Variants in ALK observed in about 807,000 individuals in gnomAD.
ALK encodes ALK tyrosine kinase receptor.
Under a neutral mutation model 163.1 loss-of-function variants are expected in ALK, and 74 were observed. That is an observed-to-expected ratio of 0.45 (90% confidence interval 0.38 to 0.55). The LOEUF (loss-of-function observed/expected upper bound fraction) is 0.55. ALK is among the 20% of genes least tolerant of loss of function. ALK has a pLI of 0.00. For synonymous variants in ALK, 960 were observed against 843.2 expected (o/e 1.14, Z -2.40); for missense variants, 2,063 against 2,105.3 (o/e 0.98, Z 0.39).
chr2:29,851,343 C>T (rs1428894561), intron 1 of ALK, among the ~76,000 whole-genome samples: 1 of 152,186 alleles, frequency 6.6e-6, no homozygotes, highest in East Asian at 1.9e-4. Flanking sequence ...TACACTTGCT[C>T]TTCCTTGGCT....
At chr2:29,625,963 GA>G (rs1676182718) in intron 3 of ALK, among the ~76,000 whole-genome samples, 2 of 152,164 alleles carry the variant, frequency 1.3e-5, no homozygotes, top group Admixed American at 6.5e-5. Flanking sequence ...TCCTAAAGCT[GA>G]ATCTTAAAAC....
At chr2:29,296,609 C>G (rs13406263) in intron 9 of ALK, among the ~76,000 whole-genome samples, 3 of 152,148 alleles carry the variant, frequency 2.0e-5, no homozygotes, top group Non-Finnish European at 4.4e-5. Flanking sequence ...TATTTTTCCT[C>G]CAGACACTGG....
At chr2:29,243,697 C>A (rs10209156) in intron 12 of ALK, among the ~76,000 whole-genome samples, 6,697 of 152,304 alleles carry the variant, frequency 0.044, 453 homozygotes, top group African/African-American at 0.15. Context: ...CTGTGAATCA[C>A]GTTACACAAA....
At chr2:29,224,417 A>T (rs1362927687) in intron 19 of ALK, among the ~76,000 whole-genome samples, 1 of 152,162 alleles carries the variant, frequency 6.6e-6, no homozygotes, top group African/African-American at 2.4e-5. Context: ...AGGGTTGTCA[A>T]TGAAATGAAT....
At chr2:29,863,249 C>G (rs1381408556) in intron 1 of ALK, among the ~76,000 whole-genome samples, 1 of 151,996 alleles carries the variant, frequency 6.6e-6, no homozygotes, top group East Asian at 1.9e-4. Flanking sequence ...GCAACAAAAG[C>G]AAAAACAGAC....
intron 3 of ALK, among the ~76,000 whole-genome samples, chr2:29,592,256 C>T (rs1259517372): frequency 6.6e-6 from 1 of 152,110 alleles, no homozygotes; most frequent in Non-Finnish European, 1.5e-5. Flanking sequence ...CCAGGCCCAC[C>T]CTAGCCTGAG....
intron 4 of ALK, among the ~76,000 whole-genome samples, chr2:29,495,492 T>A (rs1400669256): frequency 6.6e-6 from 1 of 152,180 alleles, no homozygotes; most frequent in Non-Finnish European, 1.5e-5. Flanking sequence ...TAGTGATGGT[T>A]ACTAGCCCTG....
intron 1 of ALK, among the ~76,000 whole-genome samples, chr2:29,771,917 G>A (rs1345640542): frequency 6.6e-6 from 1 of 152,188 alleles, no homozygotes; most frequent in African/African-American, 2.4e-5. Context: ...GGCCTCAAAT[G>A]TCTTATCTCC....
At chr2:29,233,833 A>G (rs1249054921) in intron 13 of ALK, 137 bp from the exon 14 acceptor site, 2 of 1,069,504 alleles carry the variant, frequency 1.9e-6, no homozygotes, top group Non-Finnish European at 2.8e-6. Context: ...AGGCAGAAAA[A>G]TATACCAATA....
At chr2:29,287,663 C>T (rs938702169) in intron 9 of ALK, among the ~76,000 whole-genome samples, 6 of 151,970 alleles carry the variant, frequency 3.9e-5, no homozygotes, top group Admixed American at 2.0e-4. Flanking sequence ...GCAATGTGAG[C>T]GGAGCAGAAG....
At chr2:29,571,598 A>C (rs967806217) in intron 3 of ALK, among the ~76,000 whole-genome samples, 1 of 88,358 alleles carries the variant, frequency 1.1e-5, no homozygotes, top group African/African-American at 4.1e-5. Context: ...GTCTTGGCTC[A>C]TATCTTTTTT....
chr2:29,276,707 T>C (rs1234237858), intron 9 of ALK, among the ~76,000 whole-genome samples: 1 of 152,178 alleles, frequency 6.6e-6, no homozygotes, highest in Non-Finnish European at 1.5e-5. Flanking sequence ...GACGTGATGC[T>C]AAGTTAAAGA....
chr2:29,684,538 G>A (rs1678181360), intron 3 of ALK, among the ~76,000 whole-genome samples: 1 of 152,210 alleles, frequency 6.6e-6, no homozygotes. Context: ...TGGCTGCCTT[G>A]GACAGCACTC....
intron 3 of ALK, among the ~76,000 whole-genome samples, chr2:29,687,995 T>C (rs2631995): frequency 0.77 from 117,374 of 152,196 alleles, 45,513 homozygotes; most frequent in Non-Finnish European, 0.82. Context: ...GCATCTTAGG[T>C]ATGTCAGTTG....
intron 4 of ALK, among the ~76,000 whole-genome samples, chr2:29,476,821 C>G (rs1263466515): frequency 6.6e-6 from 1 of 152,186 alleles, no homozygotes; most frequent in African/African-American, 2.4e-5. Context: ...GCATTTCTTG[C>G]TGTGATGTCA....
At chr2:29,820,721 T>C (rs930017635) in intron 1 of ALK, among the ~76,000 whole-genome samples, 1 of 152,222 alleles carries the variant, frequency 6.6e-6, no homozygotes, top group African/African-American at 2.4e-5. Context: ...GGTCTGACCC[T>C]GGCTTTGCCA....
At chr2:29,347,509 C>T (rs914929729) in intron 5 of ALK, among the ~76,000 whole-genome samples, 16 of 152,190 alleles carry the variant, frequency 1.1e-4, no homozygotes, top group Non-Finnish European at 1.2e-4. Flanking sequence ...GCCGTTGAGA[C>T]CTTGGTCTCT....
At chr2:29,222,834 A>G (rs111228329) in intron 20 of ALK, among the ~76,000 whole-genome samples, 2 of 152,174 alleles carry the variant, frequency 1.3e-5, no homozygotes, top group African/African-American at 4.8e-5. Context: ...ACTCATGACA[A>G]TGGTCAAATG....
At chr2:29,491,642 G>C (rs909115012) in intron 4 of ALK, among the ~76,000 whole-genome samples, 2 of 152,218 alleles carry the variant, frequency 1.3e-5, no homozygotes, top group African/African-American at 4.8e-5. Flanking sequence ...GTCTCAGCAA[G>C]GAACGCCAGT....
Sources: allele counts gnomAD v4.1 joint callset (sites outside exome capture counted in the v4.1 genomes callset), GRCh38; gene constraint gnomAD v4.1.1; transcripts MANE v1.5; gene names NCBI Gene and HGNC (gene_info 2026-07-23, HGNC 2026-07-21).